CD48: variants seen among roughly 807,000 people sequenced by gnomAD.
CD48 encodes CD48 molecule, also known as CD48 antigen.
Under a neutral mutation model 22.0 loss-of-function variants are expected in CD48, and 20 were observed. The ratio of observed to expected loss-of-function variants is 0.91; its 90% CI spans 0.64 to 1.32. The LOEUF is 1.32. CD48 is among the 40% of genes most tolerant of loss of function. The pLI is 0.00. For missense variants in CD48, 307 were observed against 286.5 expected (o/e 1.07, Z -0.52); for synonymous variants, 110 against 110.1 (o/e 1.00, Z 0.01).
rs893864200 is a variant in CD48, at chr1:160,679,140, G to C, written c.653-9C>G. On this transcript the variant is annotated splice_polypyrimidine_tract_variant and intron_variant, in intron 3 of 3. Coordinates refer to ENST00000368046, the MANE Select transcript of CD48 (RefSeq NM_001778.4). ...TACTCCAAAGGACCGGGCTGAAAGA[G>C]CAAGAAAACCCTATATGCTTAGGTA... The C allele has an allele frequency of 6.2e-7, 1 of 1,612,918 alleles. No homozygotes were observed.
chr1:160,680,824 G>T, intron 3 of CD48: 4 of 1,215,612 alleles, frequency 3.3e-6, no homozygotes, highest in African/African-American at 1.5e-5. Flanking sequence ...GTCTAATGAA[G>T]CCCCTCTAGA....
At chr1:160,703,386 C>T (rs968898644) in intron 1 of CD48, among the ~76,000 whole-genome samples, 1 of 152,068 alleles carries the variant, frequency 6.6e-6, no homozygotes, top group Non-Finnish European at 1.5e-5. Flanking sequence ...GATTGAACAG[C>T]GCATATCGAT....
intron 1 of CD48, among the ~76,000 whole-genome samples, chr1:160,704,605 A>G (rs892287225): frequency 2.6e-5 from 4 of 152,234 alleles, no homozygotes; most frequent in Non-Finnish European, 4.4e-5. Flanking sequence ...TTCAGTAGCA[A>G]AGTATTGTGG....
chr1:160,695,304 T>C (rs1662376443), intron 1 of CD48, among the ~76,000 whole-genome samples: 1 of 152,304 alleles, frequency 6.6e-6, no homozygotes, highest in Non-Finnish European at 1.5e-5. Flanking sequence ...TTATTCATTA[T>C]TTTGATGATA....
At chr1:160,684,037 A>G (rs893050485) in intron 2 of CD48, 20 of 152,194 alleles carry the variant, frequency 1.3e-4, no homozygotes, top group African/African-American at 4.1e-4. Context: ...TGAAACTCAG[A>G]GGAGCAAAAG....
chr1:160,687,859 A>G (rs1307424789), intron 1 of CD48, among the ~76,000 whole-genome samples: 3 of 152,246 alleles, frequency 2.0e-5, no homozygotes, highest in Non-Finnish European at 2.9e-5. Flanking sequence ...TCCAGGCATG[A>G]TGGATAAGTG....
intron 1 of CD48, among the ~76,000 whole-genome samples, chr1:160,705,251 C>T (rs903620119): frequency 3.9e-5 from 6 of 152,178 alleles, no homozygotes; most frequent in Non-Finnish European, 4.4e-5. Context: ...GGTTTGTACA[C>T]GGAAATACCT....
chr1:160,694,442 C>T (rs1662336747), intron 1 of CD48, among the ~76,000 whole-genome samples: 1 of 151,336 alleles, frequency 6.6e-6, no homozygotes, highest in African/African-American at 2.4e-5. Flanking sequence ...TGTTACAGGA[C>T]TTGTCGGCAT....
chr1:160,709,734 T>C (rs1406721241), intron 1 of CD48, among the ~76,000 whole-genome samples: 1 of 152,206 alleles, frequency 6.6e-6, no homozygotes, highest in Non-Finnish European at 1.5e-5. Flanking sequence ...CTCAGGAAGA[T>C]ATGGATGTGT....
At chr1:160,687,407 C>G (rs10908797) in intron 1 of CD48, among the ~76,000 whole-genome samples, 133,339 of 152,188 alleles carry the variant, frequency 0.88, 58,684 homozygotes, top group East Asian at 0.98. Context: ...AAAGTAAAGA[C>G]AGGCATAGGA....
intron 1 of CD48, among the ~76,000 whole-genome samples, chr1:160,690,034 G>A (rs937286217): frequency 6.6e-6 from 1 of 152,204 alleles, no homozygotes. Context: ...GTTAAATCAT[G>A]TTTTGGTTGT....
At chr1:160,702,756 A>G (rs12117784) in intron 1 of CD48, among the ~76,000 whole-genome samples, 33,512 of 152,056 alleles carry the variant, frequency 0.22, 4,092 homozygotes, top group African/African-American at 0.33. Flanking sequence ...CTTTGTGGGT[A>G]TCTGATCCAA....
At chr1:160,684,254 A>C (rs1331474137) in intron 2 of CD48, 1 of 152,838 alleles carries the variant, frequency 6.5e-6, no homozygotes, top group African/African-American at 2.4e-5. Flanking sequence ...GTAAAGGTAC[A>C]TTGAATTAGT....
At chr1:160,689,383 A>G (rs998416835) in intron 1 of CD48, among the ~76,000 whole-genome samples, 4 of 152,196 alleles carry the variant, frequency 2.6e-5, no homozygotes, top group African/African-American at 9.7e-5. Context: ...CATAAGCCTA[A>G]TAAGAATAAT....
At chr1:160,710,407 A>G (rs1022853000) in intron 1 of CD48, among the ~76,000 whole-genome samples, 1 of 152,228 alleles carries the variant, frequency 6.6e-6, no homozygotes, top group African/African-American at 2.4e-5. Flanking sequence ...CGGGTGTTAT[A>G]ACCCAGGTTT....
At chr1:160,710,014 G>C (rs149050426) in intron 1 of CD48, among the ~76,000 whole-genome samples, 1,817 of 152,288 alleles carry the variant, frequency 0.012, 17 homozygotes, top group Admixed American at 0.023. Flanking sequence ...GCCTAAAAGA[G>C]AGGCAGGGAG....
intron 1 of CD48, among the ~76,000 whole-genome samples, 190 bp from the exon 2 acceptor site, chr1:160,685,379 G>A (rs1324751018): frequency 6.6e-6 from 1 of 152,162 alleles, no homozygotes; most frequent in African/African-American, 2.4e-5. Context: ...TTGAAAAGTG[G>A]GCATGGGGGA....
intron 3 of CD48, chr1:160,680,381 A>T: frequency 6.0e-6 from 1 of 166,714 alleles, no homozygotes; most frequent in Non-Finnish European, 1.2e-5. Flanking sequence ...CCACTGTGAT[A>T]GGCAGTTACG....
At chr1:160,680,856 T>G in intron 3 of CD48, 1 of 1,332,038 alleles carries the variant, frequency 7.5e-7, no homozygotes, top group African/African-American at 1.5e-5. Context: ...CCACTTGCCC[T>G]TCCTTCTCCC....
Sources: allele counts gnomAD v4.1 joint callset (sites outside exome capture counted in the v4.1 genomes callset), GRCh38; gene constraint gnomAD v4.1.1; transcripts MANE v1.5; gene names NCBI Gene and HGNC (gene_info 2026-07-23, HGNC 2026-07-21).